Variants in GTF2A1 observed in about 807,000 individuals in gnomAD.
The protein encoded by GTF2A1 is general transcription factor IIA subunit 1.
Under a neutral mutation model 54.1 loss-of-function variants are expected in GTF2A1, and 12 were observed. That is an observed-to-expected ratio of 0.22 (90% CI 0.14 to 0.36). The LOEUF is 0.36. GTF2A1 is among the 10% of genes least tolerant of loss of function. The probability of loss-of-function intolerance (pLI) is 1.00; values close to 1 mark genes in which losing one functional copy is unlikely to be tolerated. For missense variants in GTF2A1, 335 were observed against 442.2 expected (o/e 0.76, Z 2.17); for synonymous variants, 145 against 152.0 (o/e 0.95, Z 0.34).
chr14:81,201,339 G>A (rs945747074), intron 4 of GTF2A1, among the ~76,000 whole-genome samples: 5 of 152,018 alleles, frequency 3.3e-5, no homozygotes, highest in East Asian at 1.9e-4. Context: ...AAACTTTTTC[G>A]GAAATAGTAG....
rs1051019821 is a variant in GTF2A1, at chr14:81,175,706, AAG to A, written c.*4515_*4516del. On this transcript the variant is annotated 3_prime_UTR_variant, in exon 9 of 9. Coordinates refer to ENST00000553612, the MANE Select transcript of GTF2A1 (RefSeq NM_015859.4). ...TGCAATTATTTATAACCTCTGAACT[AAG>A]AGGAAGTGGTTTGACTAAACAGAGA... 1 of 152,186 alleles carries A rather than the reference AAG, an allele frequency of 6.6e-6. No homozygotes were observed. Among genetic ancestry groups the A allele is most frequent in the African/African-American group, 2.4e-5 (1 of 41,464 alleles). The allele number at this position is 152,186 out of a possible 1,614,324, so 9.4% of individuals were successfully genotyped here. A position where few individuals can be genotyped will look rare whatever the true frequency, so the allele number is the denominator to read the frequency against.
chr14:81,218,422 T>C (rs1045139530), intron 1 of GTF2A1, among the ~76,000 whole-genome samples: 10 of 152,222 alleles, frequency 6.6e-5, no homozygotes, highest in Non-Finnish European at 1.3e-4. Context: ...TCACAAAATA[T>C]ATGCCTAACG....
chr14:81,203,788 T>A (rs918772624), intron 3 of GTF2A1, 112 bp downstream of exon 3: 1 of 857,608 alleles, frequency 1.2e-6, no homozygotes. Context: ...ATTTTTAGGT[T>A]CTCCATGTGC....
At chr14:81,207,540 C>T (rs1370072229) in intron 2 of GTF2A1, among the ~76,000 whole-genome samples, 2 of 152,078 alleles carry the variant, frequency 1.3e-5, no homozygotes, top group Non-Finnish European at 2.9e-5. Flanking sequence ...CCAGTAGAGT[C>T]AGGGCATTGC....
intron 7 of GTF2A1, 77 bp downstream of exon 7, chr14:81,192,442 A>T: frequency 9.3e-7 from 1 of 1,069,972 alleles, no homozygotes; most frequent in Admixed American, 2.3e-5. Context: ...AAAACAGGAT[A>T]TAATTTATCA....
intron 6 of GTF2A1, among the ~76,000 whole-genome samples, chr14:81,193,092 A>G (rs1191254377): frequency 6.6e-6 from 1 of 152,160 alleles, no homozygotes; most frequent in Non-Finnish European, 1.5e-5. Context: ...TGTATATGCC[A>G]GCTACCAGGA....
chr14:81,185,497 A>C lies in GTF2A1; in HGVS notation c.1023+34T>G, dbSNP rs568154289. The C allele has an allele frequency of 1.1e-4, 129 of 1,140,838 alleles. No individual in the cohort carries two copies. The Middle Eastern group carries it at 1.9e-3, about 17-fold the overall frequency. 70.7% of individuals were successfully genotyped at this position (1,140,838 alleles called of 1,614,324 possible). A position where few individuals can be genotyped will look rare whatever the true frequency, so the allele number is the denominator to read the frequency against. On this transcript the variant is annotated intron_variant, in intron 8 of 8. Coordinates refer to ENST00000553612, the MANE Select transcript of GTF2A1 (RefSeq NM_015859.4). ...AATGTAGGGAAGAAATTACAACACA[A>C]ATAACGTCAGTAATCTGAAGATGAC... is the stretch of plus-strand genomic sequence containing the variant.
chr14:81,208,968 T>A (rs1893302357), intron 2 of GTF2A1, among the ~76,000 whole-genome samples: 1 of 152,258 alleles, frequency 6.6e-6, no homozygotes, highest in Non-Finnish European at 1.5e-5. Context: ...CAGAAGGGAC[T>A]TGCCTTGTCT....
chr14:81,202,696 C>T (rs775783363), intron 3 of GTF2A1: 1 of 517,110 alleles, frequency 1.9e-6, no homozygotes, highest in Non-Finnish European at 3.9e-6. Flanking sequence ...AAAGGAATTA[C>T]ATGTTTGATT....
intron 1 of GTF2A1, 82 bp from the exon 2 acceptor site, chr14:81,216,596 G>C (rs925622346): frequency 4.6e-6 from 3 of 648,094 alleles, no homozygotes; most frequent in African/African-American, 1.9e-5. Flanking sequence ...AATTCAAAAC[G>C]AATAGTCATT....
intron 8 of GTF2A1, among the ~76,000 whole-genome samples, chr14:81,183,739 A>C (rs1426334897): frequency 6.6e-6 from 1 of 152,104 alleles, no homozygotes; most frequent in East Asian, 1.9e-4. Flanking sequence ...GTAAGCAAGA[A>C]CTCTACCATA....
chr14:81,210,259 A>G (rs1017034079), intron 2 of GTF2A1, among the ~76,000 whole-genome samples: 4 of 152,246 alleles, frequency 2.6e-5, no homozygotes, highest in African/African-American at 9.6e-5. Flanking sequence ...CTTTGTATTA[A>G]GCTTATAATG....
At chr14:81,216,243 T>C (rs1318323954) in intron 2 of GTF2A1, among the ~76,000 whole-genome samples, 170 bp downstream of exon 2, 2 of 152,200 alleles carry the variant, frequency 1.3e-5, no homozygotes, top group African/African-American at 4.8e-5. Context: ...AATATAAATG[T>C]AGCTTGCCTA....
intron 5 of GTF2A1, 44 bp from the exon 6 acceptor site, chr14:81,196,285 A>T: frequency 1.2e-6 from 2 of 1,602,402 alleles, no homozygotes; most frequent in South Asian, 1.1e-5. Context: ...TTTAGCAGTG[A>T]CCATCTCAAA....
chr14:81,209,913 G>GGCA, intron 2 of GTF2A1: 1 of 1,274,228 alleles, frequency 7.8e-7, no homozygotes, highest in Non-Finnish European at 1.0e-6. Flanking sequence ...ACATCTTCTG[G>GGCA]GCAGCAACTG....
At chr14:81,190,100 A>G (rs1172954999) in intron 7 of GTF2A1, among the ~76,000 whole-genome samples, 1 of 152,140 alleles carries the variant, frequency 6.6e-6, no homozygotes, top group African/African-American at 2.4e-5. Context: ...CTTCATGTTA[A>G]TCAACTTGAA....
chr14:81,185,982 A>AGCTGGCACT (rs1480946339), intron 7 of GTF2A1, among the ~76,000 whole-genome samples: 2 of 152,126 alleles, frequency 1.3e-5, no homozygotes, highest in African/African-American at 4.8e-5. Flanking sequence ...CCTCCCCAGT[A>AGCTGGCACT]GCTGGCACTA....
chr14:81,190,646 G>A (rs749319007), intron 7 of GTF2A1, among the ~76,000 whole-genome samples: 2 of 151,870 alleles, frequency 1.3e-5, no homozygotes, highest in Non-Finnish European at 2.9e-5. Context: ...TACTTAACCT[G>A]ATGAAGATAT....
At chr14:81,183,119 T>C (rs777968741) in intron 8 of GTF2A1, among the ~76,000 whole-genome samples, 9 of 152,230 alleles carry the variant, frequency 5.9e-5, no homozygotes, top group Non-Finnish European at 1.2e-4. Context: ...TCTCCCCTGA[T>C]TGGAGTAAGC....
Sources: gnomAD v4.1 joint callset for allele counts (sites outside exome capture counted in the v4.1 genomes callset) on GRCh38, gnomAD v4.1.1 for gene constraint, MANE v1.5 for transcripts, NCBI Gene and HGNC (gene_info 2026-07-23, HGNC 2026-07-21) for gene names.